The following CADM1 variants were observed in gnomAD, a reference collection of about 807,000 sequenced individuals.
CADM1 encodes TSLC-1.
Under a neutral mutation model 53.1 loss-of-function variants are expected in CADM1, and 15 were observed. The ratio of observed to expected loss-of-function variants is 0.28; its 90% confidence interval spans 0.19 to 0.44. The LOEUF (loss-of-function observed/expected upper bound fraction) is 0.44, where lower values mean the gene tolerates loss of function less well. Ranked by LOEUF, CADM1 falls within the 20% of genes least tolerant of loss-of-function variation. CADM1 has a pLI of 1.00. For synonymous variants in CADM1, 281 were observed against 243.0 expected (o/e 1.16, Z -1.45); for missense variants, 434 against 611.3 (o/e 0.71, Z 3.06).
At chr11:115,442,371 T>A (rs1948336232) in intron 1 of CADM1, among the ~76,000 whole-genome samples, 2 of 152,194 alleles carry the variant, frequency 1.3e-5, no homozygotes, top group South Asian at 2.1e-4. Flanking sequence ...TCTGCAATTC[T>A]ATGACTGACC....
rs796687258 is a variant in CADM1 at position 115,366,810 on chromosome 11, CA to C, written c.125-126391del. Reference sequence around the variant, plus strand: ...ACTCAAAGTCAGAGTAAGTCAACACCAAAAAAAAAGAAACAAAAAAGGCCTA... The same window carrying C: ...ACTCAAAGTCAGAGTAAGTCAACACCAAAAAAAAGAAACAAAAAAGGCCTA... On this transcript the variant is annotated intron_variant, in intron 1 of 11. Transcript: ENST00000331581. Among the ~76,000 whole-genome samples the C allele has an allele frequency of 3.9e-4, 58 of 149,280 alleles. No individual in the cohort carries two copies. In the East Asian group the frequency reaches 9.6e-3, roughly 25 times the overall value.
At chr11:115,199,211 A>T (rs534823339) in intron 8 of CADM1, among the ~76,000 whole-genome samples, 1 of 152,218 alleles carries the variant, frequency 6.6e-6, no homozygotes. Flanking sequence ...ACAATCTGCC[A>T]AACGCTGCTT....
chr11:115,446,991 AAG>A (rs1565432368), intron 1 of CADM1, among the ~76,000 whole-genome samples: 1 of 152,188 alleles, frequency 6.6e-6, no homozygotes, highest in African/African-American at 2.4e-5. Flanking sequence ...GCTAGAAAAA[AAG>A]AGGTTTCAGG....
chr11:115,248,471 C>A (rs755328236), intron 1 of CADM1, among the ~76,000 whole-genome samples: 1 of 152,130 alleles, frequency 6.6e-6, no homozygotes, highest in African/African-American at 2.4e-5. Context: ...AATGTTTATG[C>A]GGAGTGACAC....
At chr11:115,363,147 A>G (rs1035225281) in intron 1 of CADM1, among the ~76,000 whole-genome samples, 12 of 152,164 alleles carry the variant, frequency 7.9e-5, no homozygotes, top group African/African-American at 2.9e-4. Flanking sequence ...CACTATACTC[A>G]AAGTTCCTTT....
intron 1 of CADM1, among the ~76,000 whole-genome samples, chr11:115,486,619 A>G (rs1337930460): frequency 1.3e-5 from 2 of 152,342 alleles, no homozygotes; most frequent in Non-Finnish European, 1.5e-5. Flanking sequence ...TGCTGGGATT[A>G]TAGGCATGAG....
At chr11:115,249,432 C>T (rs6589489) in intron 1 of CADM1, among the ~76,000 whole-genome samples, 149,189 of 152,376 alleles carry the variant, frequency 0.98, 73,127 homozygotes, top group East Asian at 1. Context: ...TCACTTCATC[C>T]GGTGTTGTTG....
At chr11:115,258,094 A>T (rs1942852370) in intron 1 of CADM1, among the ~76,000 whole-genome samples, 1 of 152,188 alleles carries the variant, frequency 6.6e-6, no homozygotes, top group Non-Finnish European at 1.5e-5. Context: ...AACCGGATAA[A>T]CTTGGGAAGG....
At position 115,400,578 on chromosome 11, in the gene CADM1, AAT is replaced by A. The variant is rs562563318; in HGVS notation, c.124+103691_124+103692del. On this transcript the variant is annotated intron_variant, in intron 1 of 11. Coordinates refer to ENST00000331581, the MANE Select transcript of CADM1 (RefSeq NM_001301043.2). ...ATGGTGGTGATATATATATATATAT[AAT>A]ATATATATATATCTCTCATATATAT... is the stretch of plus-strand genomic sequence containing the variant. 5.7e-3 allele frequency among the ~76,000 whole-genome samples: 800 copies of A among 139,680 alleles called. 20 individuals carry two copies. Among genetic ancestry groups the A allele is most frequent in the Middle Eastern group, 0.033 (9 of 276 alleles). 91.6% of individuals were successfully genotyped at this position (139,680 alleles called of 152,430 possible).
intron 1 of CADM1, among the ~76,000 whole-genome samples, chr11:115,403,519 C>G (rs142655695): frequency 2.0e-5 from 3 of 151,930 alleles, no homozygotes; most frequent in Non-Finnish European, 4.4e-5. Context: ...CTAGATGAAA[C>G]GTCTATGGGA....
chr11:115,364,896 C>T (rs1480944635), intron 1 of CADM1, among the ~76,000 whole-genome samples: 2 of 152,164 alleles, frequency 1.3e-5, no homozygotes, highest in African/African-American at 4.8e-5. Flanking sequence ...TTAGTATTTA[C>T]TTAGCTATAT....
intron 1 of CADM1, among the ~76,000 whole-genome samples, chr11:115,344,819 C>T (rs138524103): frequency 2.0e-5 from 3 of 152,302 alleles, no homozygotes; most frequent in African/African-American, 7.2e-5. Context: ...CCATCCTTCA[C>T]ATGGTCTCTC....
At chr11:115,377,017 G>C (rs1469204673) in intron 1 of CADM1, among the ~76,000 whole-genome samples, 2 of 152,126 alleles carry the variant, frequency 1.3e-5, no homozygotes, top group Non-Finnish European at 2.9e-5. Flanking sequence ...AATTACAAAT[G>C]TCATGCGCCA....
chr11:115,274,547 T>C (rs1943391353), intron 1 of CADM1, among the ~76,000 whole-genome samples: 1 of 152,368 alleles, frequency 6.6e-6, no homozygotes, highest in Middle Eastern at 3.4e-3. Context: ...GCAATGTTTC[T>C]GTCAGAGCCA....
chr11:115,370,046 G>C (rs944654574), intron 1 of CADM1, among the ~76,000 whole-genome samples: 1 of 152,132 alleles, frequency 6.6e-6, no homozygotes, highest in African/African-American at 2.4e-5. Flanking sequence ...CCTTCAAGTT[G>C]CTCCTGATTC....
intron 8 of CADM1, among the ~76,000 whole-genome samples, chr11:115,202,255 C>T (rs1940467681): frequency 6.6e-6 from 1 of 151,750 alleles, no homozygotes; most frequent in East Asian, 1.9e-4. Flanking sequence ...CATGTGTAAG[C>T]TCCACTGTGG....
chr11:115,360,272 T>C (rs1034635502), intron 1 of CADM1, among the ~76,000 whole-genome samples: 11 of 152,242 alleles, frequency 7.2e-5, no homozygotes, highest in Non-Finnish European at 2.9e-5. Context: ...GCTGACTTTG[T>C]TGGCTGCATC....
intron 3 of CADM1, 91 bp from the exon 4 acceptor site, chr11:115,231,581 G>T: frequency 8.2e-7 from 1 of 1,225,450 alleles, no homozygotes; most frequent in Non-Finnish European, 1.2e-6. Flanking sequence ...CATTCCTGAT[G>T]GGAATTTAAA....
chr11:115,178,499 T>TTTTCTTTTC, intron 11 of CADM1, 145 bp downstream of exon 11: 4 of 809,442 alleles, frequency 4.9e-6, no homozygotes, highest in South Asian at 3.0e-5. Context: ...TTTTTTTTTT[T>TTTTCTTTTC]TCTCTTCTCT....
Sources: allele counts gnomAD v4.1 joint callset (sites outside exome capture counted in the v4.1 genomes callset), GRCh38; gene constraint gnomAD v4.1.1; transcripts MANE v1.5; gene names NCBI Gene and HGNC (gene_info 2026-07-23, HGNC 2026-07-21).